PCP4L1: variants seen among roughly 807,000 people sequenced by gnomAD.
PCP4L1 encodes Purkinje cell protein 4 like 1.
Under a neutral mutation model 9.6 loss-of-function variants are expected in PCP4L1, and 9 were observed. The observed-to-expected ratio is 0.94, with a 90% CI of 0.57 to 1.64. The LOEUF (loss-of-function observed/expected upper bound fraction) is 1.64, where lower values mean the gene tolerates loss of function less well. PCP4L1 is among the 40% of genes most tolerant of loss of function. PCP4L1 has a pLI of 0.00. For missense variants in PCP4L1, 81 were observed against 80.8 expected (o/e 1.00, Z -0.01); for synonymous variants, 31 against 28.2 (o/e 1.10, Z -0.31).
chr1:161,268,013 G>A (rs1194814460), intron 1 of PCP4L1, among the ~76,000 whole-genome samples: 1 of 151,974 alleles, frequency 6.6e-6, no homozygotes, highest in Non-Finnish European at 1.5e-5. Context: ...GCACCTGGCC[G>A]ACAATACTAT....
chr1:161,279,059 A>G (rs535029677), intron 1 of PCP4L1, among the ~76,000 whole-genome samples: 2 of 152,230 alleles, frequency 1.3e-5, no homozygotes, highest in Non-Finnish European at 2.9e-5. Context: ...CTGAGATTAC[A>G]GGCATGAGCC....
chr1:161,259,015 G>A lies in PCP4L1; in HGVS notation c.9+32G>A, dbSNP rs1035353304. On this transcript the variant is annotated intron_variant, in intron 1 of 2. Coordinates refer to ENST00000504449, the MANE Select transcript of PCP4L1 (RefSeq NM_001102566.2). Reference sequence around the variant, plus strand: ...GGTGCGGCCCCCGGCGCTGTCGGCAGGGCTGCGGCGGGGAGGGTGCTGCGG... The same window carrying A: ...GGTGCGGCCCCCGGCGCTGTCGGCAAGGCTGCGGCGGGGAGGGTGCTGCGG... The A allele has an allele frequency of 2.6e-6, 4 of 1,527,206 alleles. No homozygotes were observed. In the African/African-American group the frequency reaches 5.5e-5, roughly 21 times the overall value. The allele number at this position is 1,527,206 out of a possible 1,614,324, so 94.6% of individuals were successfully genotyped here. A position where few individuals can be genotyped will look rare whatever the true frequency, so the allele number is the denominator to read the frequency against.
intron 1 of PCP4L1, among the ~76,000 whole-genome samples, chr1:161,260,557 C>T (rs567664242): frequency 6.6e-6 from 1 of 152,160 alleles, no homozygotes; most frequent in African/African-American, 2.4e-5. Context: ...GCTATGCCAA[C>T]GTGAGGATTT....
chr1:161,261,409 AGT>A (rs1010527209), intron 1 of PCP4L1, among the ~76,000 whole-genome samples: 1 of 151,884 alleles, frequency 6.6e-6, no homozygotes, highest in Non-Finnish European at 1.5e-5. Context: ...TTTCCCTGTG[AGT>A]GTGTGTGTGC....
At chr1:161,278,805 A>C (rs1256941281) in intron 1 of PCP4L1, among the ~76,000 whole-genome samples, 2 of 151,318 alleles carry the variant, frequency 1.3e-5, no homozygotes, top group Non-Finnish European at 2.9e-5. Flanking sequence ...TCCCCTTCCC[A>C]TTCCCTCACT....
intron 1 of PCP4L1, among the ~76,000 whole-genome samples, chr1:161,275,485 T>C (rs6690484): frequency 0.46 from 66,275 of 143,174 alleles, 15,495 homozygotes; most frequent in East Asian, 0.64. Flanking sequence ...CACTGCACTC[T>C]AGTCTGGGCG....
At chr1:161,262,375 A>G (rs921810102) in intron 1 of PCP4L1, among the ~76,000 whole-genome samples, 3 of 140,652 alleles carry the variant, frequency 2.1e-5, no homozygotes, top group Non-Finnish European at 4.5e-5. Flanking sequence ...CGGAGCTTGC[A>G]GTGAGCCGAG....
chr1:161,264,506 CTCTG>C (rs1172308271), intron 1 of PCP4L1, among the ~76,000 whole-genome samples: 1 of 149,726 alleles, frequency 6.7e-6, no homozygotes, highest in African/African-American at 2.5e-5. Flanking sequence ...CAGAGTAAGA[CTCTG>C]TCTAAGAAAA....
chr1:161,263,588 CTT>C (rs11355401), intron 1 of PCP4L1, among the ~76,000 whole-genome samples: 14 of 141,762 alleles, frequency 9.9e-5, no homozygotes, highest in East Asian at 6.1e-4. Flanking sequence ...ATTTCAAGTA[CTT>C]TTTTTTTTTT....
At chr1:161,280,744 G>T (rs934072231) in intron 1 of PCP4L1, among the ~76,000 whole-genome samples, 2 of 152,196 alleles carry the variant, frequency 1.3e-5, no homozygotes, top group Admixed American at 6.5e-5. Flanking sequence ...TTTTCTTCAC[G>T]TGGCTTCCAC....
At chr1:161,283,611 G>A in intron 1 of PCP4L1, 57 bp from the exon 2 acceptor site, 1 of 1,477,430 alleles carries the variant, frequency 6.8e-7, no homozygotes, top group East Asian at 2.4e-5. Context: ...AGGTGATGAT[G>A]CCTTCAAATT....
chr1:161,274,675 G>T (rs140050592), intron 1 of PCP4L1, among the ~76,000 whole-genome samples: 1 of 152,162 alleles, frequency 6.6e-6, no homozygotes, highest in East Asian at 1.9e-4. Context: ...AGAGACCAGA[G>T]ACTAATAAAG....
At chr1:161,260,491 T>C (rs1669396919) in intron 1 of PCP4L1, among the ~76,000 whole-genome samples, 1 of 152,212 alleles carries the variant, frequency 6.6e-6, no homozygotes, top group African/African-American at 2.4e-5. Context: ...ACCCCGAGCA[T>C]TTCTAAATCT....
At chr1:161,267,483 GCAGAAGGGGCAA>G (rs1011344334) in intron 1 of PCP4L1, among the ~76,000 whole-genome samples, 3 of 152,160 alleles carry the variant, frequency 2.0e-5, no homozygotes, top group African/African-American at 7.2e-5. Context: ...ACTGCTTGGA[GCAGAAGGGGCAA>G]CACTATCTTC....
intron 1 of PCP4L1, among the ~76,000 whole-genome samples, chr1:161,274,490 T>G (rs1194183531): frequency 1.3e-5 from 2 of 152,236 alleles, no homozygotes; most frequent in Non-Finnish European, 2.9e-5. Context: ...TCTGCAGGTA[T>G]GAGTTTTTGT....
At chr1:161,275,244 T>C (rs1009219806) in intron 1 of PCP4L1, among the ~76,000 whole-genome samples, 3 of 152,042 alleles carry the variant, frequency 2.0e-5, no homozygotes, top group African/African-American at 7.2e-5. Context: ...TGGCCGGGTG[T>C]GGTGGCTCAC....
At chr1:161,268,974 C>A (rs967790452) in intron 1 of PCP4L1, among the ~76,000 whole-genome samples, 6 of 152,212 alleles carry the variant, frequency 3.9e-5, no homozygotes, top group Non-Finnish European at 8.8e-5. Context: ...AACAGATAGT[C>A]AATGCAGATC....
At chr1:161,276,681 T>TAAA (rs11312983) in intron 1 of PCP4L1, among the ~76,000 whole-genome samples, 1 of 139,600 alleles carries the variant, frequency 7.2e-6, no homozygotes, top group African/African-American at 2.6e-5. Context: ...ACTTATCTCT[T>TAAA]AAAAAAAAAA....
At chr1:161,261,701 C>T (rs937676838) in intron 1 of PCP4L1, among the ~76,000 whole-genome samples, 1 of 152,190 alleles carries the variant, frequency 6.6e-6, no homozygotes, top group Non-Finnish European at 1.5e-5. Context: ...TAGGGGAATC[C>T]CTTGGTCCAG....
Sources: allele counts gnomAD v4.1 joint callset (sites outside exome capture counted in the v4.1 genomes callset), GRCh38; gene constraint gnomAD v4.1.1; transcripts MANE v1.5; gene names NCBI Gene and HGNC (gene_info 2026-07-23, HGNC 2026-07-21).